Variants in SMPDL3B observed in about 807,000 individuals in gnomAD.
SMPDL3B encodes the protein sphingomyelin phosphodiesterase acid like 3B.
A neutral mutation model predicts 37.9 loss-of-function variants in SMPDL3B; 31 were observed. The ratio of observed to expected loss-of-function variants is 0.82; its 90% confidence interval spans 0.61 to 1.10. SMPDL3B has a LOEUF of 1.10. Ranked by LOEUF, SMPDL3B falls within the 50% of genes least tolerant of loss-of-function variation. The pLI is 0.00. For missense variants in SMPDL3B, 525 were observed against 597.8 expected (o/e 0.88, Z 1.27); for synonymous variants, 235 against 242.6 (o/e 0.97, Z 0.29).
At chr1:27,936,055 G>A (rs1253027356) in intron 1 of SMPDL3B, among the ~76,000 whole-genome samples, 1 of 152,194 alleles carries the variant, frequency 6.6e-6, no homozygotes, top group Non-Finnish European at 1.5e-5. Context: ...CTTTCCACGT[G>A]CCTGTAGATA....
In SMPDL3B at chr1:27,958,863, G is replaced by A. The variant is rs750828828; in HGVS notation, c.*25G>A. On this transcript the variant is annotated 3_prime_UTR_variant, in exon 8 of 8. Transcript: ENST00000373894. This position sits in a 1 kb window ranked among gnomAD's most constrained non-coding sequence, Gnocchi z 5.6. ...ACCTGCCAGGCTCACCTTCTTCCTG[G>A]TAACGGGTAACGGGGGCAGCGCCCA... 2 of 1,531,954 alleles carry A rather than the reference G, an allele frequency of 1.3e-6. No individual in the cohort carries two copies. The highest frequency in any genetic ancestry group is 1.4e-5 in the African/African-American group (1 of 73,622). 94.9% of individuals were successfully genotyped at this position (1,531,954 alleles called of 1,614,324 possible). A position where few individuals can be genotyped will look rare whatever the true frequency, so the allele number is the denominator to read the frequency against.
At chr1:27,938,657 G>C (rs2090328901) in intron 1 of SMPDL3B, among the ~76,000 whole-genome samples, 4 of 152,234 alleles carry the variant, frequency 2.6e-5, no homozygotes. Context: ...TAAGCTGTAT[G>C]ATGGGGCGAA....
intron 7 of SMPDL3B, chr1:27,956,382 C>T (rs892243016): frequency 7.7e-6 from 10 of 1,292,102 alleles, no homozygotes; most frequent in Middle Eastern, 2.5e-4. Flanking sequence ...AGAAACTAAT[C>T]TCCTATAGCA....
At chr1:27,953,151 A>C in intron 3 of SMPDL3B, 64 bp from the exon 4 acceptor site, 1 of 1,390,054 alleles carries the variant, frequency 7.2e-7, no homozygotes, top group South Asian at 1.2e-5. Flanking sequence ...TGGCCAACAG[A>C]AAATGATTAA....
At chr1:27,943,419 G>A (rs2090376665) in intron 1 of SMPDL3B, among the ~76,000 whole-genome samples, 1 of 152,200 alleles carries the variant, frequency 6.6e-6, no homozygotes, top group Non-Finnish European at 1.5e-5. Context: ...GTGAGGGTCA[G>A]GGGCCAGCCT....
intron 1 of SMPDL3B, chr1:27,942,144 T>C (rs1057188045): frequency 2.7e-6 from 1 of 370,204 alleles, no homozygotes. Flanking sequence ...AGATGAGGAG[T>C]TTCTGGAGTG....
At chr1:27,935,753 G>A (rs964840675) in intron 1 of SMPDL3B, among the ~76,000 whole-genome samples, 2 of 152,186 alleles carry the variant, frequency 1.3e-5, no homozygotes, top group African/African-American at 4.8e-5. Context: ...TGGGGAGGGG[G>A]TACTTACAAG....
intron 2 of SMPDL3B, among the ~76,000 whole-genome samples, chr1:27,947,106 G>A (rs1334541081): frequency 6.7e-6 from 1 of 148,770 alleles, no homozygotes; most frequent in Non-Finnish European, 1.5e-5. Context: ...GCGTGATCTT[G>A]GCTCACCACA....
rs968995555 is a variant in SMPDL3B at position 27,945,079 on chromosome 1, C to A, written c.62-153C>A. 6.6e-6 allele frequency among the ~76,000 whole-genome samples: 1 copy of A among 152,186 alleles called. No individual in the cohort carries two copies. The highest frequency in any genetic ancestry group is 2.4e-5 in the African/African-American group (1 of 41,432). On this transcript the variant is annotated intron_variant, in intron 1 of 7. Coordinates refer to ENST00000373894, the MANE Select transcript of SMPDL3B (RefSeq NM_014474.4). The surrounding 1 kb of genome is among the most constrained non-coding windows in gnomAD (Gnocchi z 4.0). Reference sequence around the variant, plus strand: ...CAATGTGTCCCTGGGCAGAGCCAGGCCTGTGGGCCTTTTCTCTGAACCCGG... The same window carrying A: ...CAATGTGTCCCTGGGCAGAGCCAGGACTGTGGGCCTTTTCTCTGAACCCGG...
chr1:27,957,629 G>A (rs191166274), intron 7 of SMPDL3B, among the ~76,000 whole-genome samples: 57 of 152,206 alleles, frequency 3.7e-4, no homozygotes, highest in African/African-American at 1.3e-3. Flanking sequence ...TCTAGTAAAG[G>A]TAGATTAAGA....
chr1:27,947,384 A>T lies in SMPDL3B; in HGVS notation c.276-1681A>T, dbSNP rs150862506. ...GAAATCTCTGAGACCTTGAAGAGGTACACAGCATCAGATGAGAAGATCTCT... is the reference window on the plus strand; with the variant it reads ...GAAATCTCTGAGACCTTGAAGAGGTTCACAGCATCAGATGAGAAGATCTCT... On this transcript the variant is annotated intron_variant, in intron 2 of 7. Coordinates refer to ENST00000373894, the MANE Select transcript of SMPDL3B (RefSeq NM_014474.4). Among the ~76,000 whole-genome samples the T allele has an allele frequency of 5.2e-3, 788 of 152,142 alleles. 11 individuals carry two copies. The highest frequency in any genetic ancestry group is 0.018 in the African/African-American group (737 of 41,522).
chr1:27,958,358 A>G lies in SMPDL3B; in HGVS notation c.1006-118A>G, dbSNP rs1638356563. On this transcript the variant is annotated intron_variant, in intron 7 of 7. Transcript: ENST00000373894. This position sits in a 1 kb window ranked among gnomAD's most constrained non-coding sequence, Gnocchi z 5.6. The stretch of plus-strand genomic sequence containing the variant: ...CAATGGGTGCACAGCTAAGTGCTCA[A>G]TAACTACTAGTGGTCATGGTCACTG... 9 of 1,362,822 alleles carry G rather than the reference A, an allele frequency of 6.6e-6. No individual in the cohort carries two copies. In the Admixed American group the frequency reaches 8.9e-5, roughly 14 times the overall value. The allele number at this position is 1,362,822 out of a possible 1,614,324, so 84.4% of individuals were successfully genotyped here.
chr1:27,954,030 C>A (rs1354508915), intron 4 of SMPDL3B, among the ~76,000 whole-genome samples: 1 of 152,358 alleles, frequency 6.6e-6, no homozygotes, highest in South Asian at 2.1e-4. Context: ...TTGGAAAAGA[C>A]AGCTGAGCAG....
intron 1 of SMPDL3B, among the ~76,000 whole-genome samples, chr1:27,937,049 C>A (rs930428438): frequency 3.3e-5 from 5 of 150,778 alleles, no homozygotes; most frequent in East Asian, 3.9e-4. Context: ...CAAACAACAA[C>A]AAAAAAAGGA....
chr1:27,937,043 C>CAAACA (rs777067402), intron 1 of SMPDL3B, among the ~76,000 whole-genome samples: 10 of 135,188 alleles, frequency 7.4e-5, no homozygotes, highest in South Asian at 2.6e-4. Context: ...AACAAACAAA[C>CAAACA]AACAACAAAA....
chr1:27,943,854 A>AT (rs1437452010), intron 1 of SMPDL3B, among the ~76,000 whole-genome samples: 1 of 151,502 alleles, frequency 6.6e-6, no homozygotes, highest in Non-Finnish European at 1.5e-5. Context: ...ACAAATACAA[A>AT]AAAAAAAAAA....
intron 7 of SMPDL3B, chr1:27,956,496 A>G (rs956518185): frequency 8.9e-7 from 1 of 1,124,026 alleles, no homozygotes; most frequent in Admixed American, 4.5e-5. Flanking sequence ...GGCTTCCCAC[A>G]GTCTGACTTC....
At position 27,935,196 on chromosome 1, in the gene SMPDL3B, G is replaced by A. The variant is rs760755598; in HGVS notation, c.13G>A (p.Ala5Thr). The A allele has an allele frequency of 8.7e-6, 14 of 1,613,978 alleles. No homozygotes were observed. The highest frequency in any genetic ancestry group is 1.6e-4 in the Middle Eastern group (1 of 6,062). Residue 5 changes from alanine (A) to threonine (T), a missense_variant, in exon 1 of 8, where the codon GCC becomes ACC. Coordinates refer to ENST00000373894, the MANE Select transcript of SMPDL3B (RefSeq NM_014474.4). ...GTGAGCCCCGAGGATGAGGCTGCTC[G>A]CCTGGCTGATTTTCCTGGCTAACTG... MRLL[A>T]WLIFLANWGG... is the part of the protein sequence containing the mutation.
At chr1:27,949,532 C>T (rs1401093839) in intron 3 of SMPDL3B, among the ~76,000 whole-genome samples, 1 of 152,184 alleles carries the variant, frequency 6.6e-6, no homozygotes, top group Admixed American at 6.5e-5. Context: ...TGGCATCCAT[C>T]ACCCTCAAAC....
Sources: allele counts gnomAD v4.1 joint callset (sites outside exome capture counted in the v4.1 genomes callset), GRCh38; gene constraint gnomAD v4.1.1; non-coding constraint Gnocchi (gnomAD v3.1); transcripts MANE v1.5; gene names NCBI Gene and HGNC (gene_info 2026-07-23, HGNC 2026-07-21).